Variants in GSG1L observed in about 807,000 individuals in gnomAD.
GSG1L encodes the protein germ cell-specific gene 1-like protein.
A neutral mutation model predicts 42.1 loss-of-function variants in GSG1L; 24 were observed. The observed-to-expected ratio is 0.57, with a 90% CI of 0.41 to 0.80. GSG1L has a LOEUF of 0.80. Ranked by LOEUF, GSG1L falls within the 30% of genes least tolerant of loss-of-function variation. GSG1L has a pLI of 0.00. For synonymous variants in GSG1L, 215 were observed against 203.5 expected (o/e 1.06, Z -0.48); for missense variants, 445 against 472.2 (o/e 0.94, Z 0.53).
At chr16:27,959,264 C>G (rs1192033224) in intron 2 of GSG1L, among the ~76,000 whole-genome samples, 1 of 150,828 alleles carries the variant, frequency 6.6e-6, no homozygotes, top group Non-Finnish European at 1.5e-5. Context: ...TTGAGACCAG[C>G]CTGGGCAACA....
At chr16:27,875,882 G>A (rs1399496698) in intron 3 of GSG1L, among the ~76,000 whole-genome samples, 4 of 152,202 alleles carry the variant, frequency 2.6e-5, no homozygotes, top group African/African-American at 9.7e-5. Context: ...GAGAGGGCCT[G>A]ACTGAGAATG....
Position 27,953,172 on chromosome 16 carries a change from C to A in GSG1L, c.397+9984G>T, listed in dbSNP as rs552589235. ...CAGCATGATTACAGCTCACTGCAAC[C>A]TCTACCTCCTGGGCTCAAGTGATCC... On this transcript the variant is annotated intron_variant, in intron 2 of 6. Transcript: ENST00000447459. Among the ~76,000 whole-genome samples, 10 of 152,314 alleles carry A rather than the reference C, an allele frequency of 6.6e-5. No individual in the cohort carries two copies. In the South Asian group the frequency reaches 2.1e-3, roughly 32 times the overall value.
At chr16:28,010,750 A>G (rs1331028754) in intron 1 of GSG1L, among the ~76,000 whole-genome samples, 3 of 152,224 alleles carry the variant, frequency 2.0e-5, no homozygotes, top group East Asian at 1.9e-4. Flanking sequence ...GGCACCAAAC[A>G]TCCCTCCACC....
intron 1 of GSG1L, among the ~76,000 whole-genome samples, chr16:27,988,566 A>G (rs936147956): frequency 6.6e-6 from 1 of 152,140 alleles, no homozygotes; most frequent in African/African-American, 2.4e-5. Context: ...TGGGAATCTT[A>G]TCTGTGTGGT....
intron 3 of GSG1L, among the ~76,000 whole-genome samples, chr16:27,881,770 C>A (rs1053399125): frequency 6.6e-6 from 1 of 152,214 alleles, no homozygotes; most frequent in Non-Finnish European, 1.5e-5. Context: ...AGCTAGAAAC[C>A]CTTCACCTTG....
intron 5 of GSG1L, among the ~76,000 whole-genome samples, chr16:27,822,839 A>T (rs991889234): frequency 3.9e-5 from 6 of 152,204 alleles, no homozygotes; most frequent in African/African-American, 1.2e-4. Flanking sequence ...GAAATGGGCC[A>T]GACATAAACA....
Position 27,903,642 on chromosome 16 carries a change from C to G in GSG1L, c.398-19004G>C, listed in dbSNP as rs552445245. Among the ~76,000 whole-genome samples, 54 of 152,304 alleles carry G rather than the reference C, an allele frequency of 3.5e-4. No homozygotes were observed. In the South Asian group the frequency reaches 8.9e-3, roughly 25 times the overall value. On this transcript the variant is annotated intron_variant, in intron 2 of 6. Transcript: ENST00000447459. ...GGGCTCCAGATGCTCAGATGCCCCC[C>G]CTTGGGGCCCTGGAGGGAGAGTGGC...
chr16:27,885,799 C>T (rs12926773), intron 2 of GSG1L, among the ~76,000 whole-genome samples: 9,462 of 152,294 alleles, frequency 0.062, 358 homozygotes, highest in Middle Eastern at 0.089. Context: ...TTCCTGAAGA[C>T]CACCTGCACT....
intron 1 of GSG1L, among the ~76,000 whole-genome samples, chr16:27,994,714 T>C (rs182919900): frequency 6.6e-6 from 1 of 152,314 alleles, no homozygotes; most frequent in Non-Finnish European, 1.5e-5. Context: ...AAGATGAATA[T>C]GTGGCTAGAA....
At chr16:27,810,295 A>G (rs887266769) in intron 5 of GSG1L, among the ~76,000 whole-genome samples, 11 of 152,008 alleles carry the variant, frequency 7.2e-5, no homozygotes, top group Non-Finnish European at 1.3e-4. Context: ...CCTGGGCAAC[A>G]TGGTGAAATC....
chr16:27,959,338 T>C (rs12102415), intron 2 of GSG1L, among the ~76,000 whole-genome samples: 87,086 of 130,634 alleles, frequency 0.67, 26,085 homozygotes, highest in African/African-American at 0.77. Context: ...CATGGTGGCG[T>C]GCGCCTGTAA....
At chr16:27,987,602 C>A (rs78578738) in intron 1 of GSG1L, among the ~76,000 whole-genome samples, 1 of 152,194 alleles carries the variant, frequency 6.6e-6, no homozygotes, top group African/African-American at 2.4e-5. Context: ...ATAGCCATCC[C>A]TGGGTGCCAC....
At chr16:27,989,994 C>T (rs1407723413) in intron 1 of GSG1L, among the ~76,000 whole-genome samples, 2 of 152,138 alleles carry the variant, frequency 1.3e-5, no homozygotes, top group Non-Finnish European at 2.9e-5. Flanking sequence ...GACAAGTCAT[C>T]TTGAATAACA....
intron 3 of GSG1L, among the ~76,000 whole-genome samples, chr16:27,854,816 G>A (rs2083556129): frequency 6.6e-6 from 1 of 152,192 alleles, no homozygotes; most frequent in Admixed American, 6.5e-5. Flanking sequence ...TCACCTGAAG[G>A]ATGATGGAGA....
intron 2 of GSG1L, among the ~76,000 whole-genome samples, chr16:27,885,982 C>T (rs542106538): frequency 2.3e-4 from 35 of 152,154 alleles, no homozygotes; most frequent in Admixed American, 4.6e-4. Context: ...TGCTTTTTGC[C>T]GGGAGAGACT....
intron 3 of GSG1L, among the ~76,000 whole-genome samples, chr16:27,849,197 C>CCCCCA (rs749482143): frequency 7.9e-5 from 9 of 113,624 alleles, no homozygotes; most frequent in Admixed American, 2.7e-4. Context: ...GCCTCTATCC[C>CCCCCA]AAAAAGAAAA....
At chr16:28,047,072 C>T (rs1401269466) in intron 1 of GSG1L, among the ~76,000 whole-genome samples, 1 of 152,124 alleles carries the variant, frequency 6.6e-6, no homozygotes, top group African/African-American at 2.4e-5. Context: ...GCCCATAGAC[C>T]ATCATATCTT....
chr16:28,056,082 G>A (rs1274305790), intron 1 of GSG1L, among the ~76,000 whole-genome samples: 1 of 152,144 alleles, frequency 6.6e-6, no homozygotes, highest in Non-Finnish European at 1.5e-5. Context: ...CAGAAGCCCT[G>A]AGAAGTCCCC....
At chr16:28,049,364 C>A (rs1294655170) in intron 1 of GSG1L, among the ~76,000 whole-genome samples, 1 of 152,092 alleles carries the variant, frequency 6.6e-6, no homozygotes, top group Non-Finnish European at 1.5e-5. Flanking sequence ...TGAGAAAAGA[C>A]AACTCACTAA....
Sources: allele counts gnomAD v4.1 joint callset (sites outside exome capture counted in the v4.1 genomes callset), GRCh38; gene constraint gnomAD v4.1.1; transcripts MANE v1.5; gene names NCBI Gene and HGNC (gene_info 2026-07-23, HGNC 2026-07-21).